CA4: variants seen among roughly 807,000 people sequenced by gnomAD.
CA4 encodes CA-IV.
CA4 carries 24 observed loss-of-function variants against 34.5 expected under a neutral mutation model. The observed-to-expected ratio is 0.70, with a 90% CI of 0.50 to 0.98. The LOEUF (loss-of-function observed/expected upper bound fraction) is 0.98, where lower values mean the gene tolerates loss of function less well. Among genes scored for constraint, CA4 ranks in the 50% least tolerant of loss-of-function variants. The probability of loss-of-function intolerance (pLI) is 0.00; values close to 1 mark genes in which losing one functional copy is unlikely to be tolerated. For synonymous variants in CA4, 178 were observed against 170.6 expected (o/e 1.04, Z -0.34); for missense variants, 394 against 396.7 (o/e 0.99, Z 0.06).
downstream of CA4, chr17:60,159,592 TC>T: frequency 5.3e-6 from 4 of 755,962 alleles, no homozygotes; most frequent in South Asian, 6.6e-5. Context: ...CCCCACCCTG[TC>T]CCCCTCCACC....
chr17:60,152,104 G>A (rs1459828269), intron 1 of CA4, among the ~76,000 whole-genome samples: 1 of 152,082 alleles, frequency 6.6e-6, no homozygotes, highest in East Asian at 1.9e-4. Context: ...TGGGTGACAG[G>A]CGACTGACTT....
At chr17:60,178,907 G>C in the CA4 span, among the ~76,000 whole-genome samples, 1 of 152,146 alleles carries the variant, frequency 6.6e-6, no homozygotes, top group African/African-American at 2.4e-5. Context: ...TTTAATATTT[G>C]TTATGATTAT....
At chr17:60,172,505 G>T (rs990277084), downstream of CA4, among the ~76,000 whole-genome samples, 2 of 152,170 alleles carry the variant, frequency 1.3e-5, no homozygotes, top group Non-Finnish European at 2.9e-5. Context: ...GAAAAAGAGA[G>T]AAATTACAGC....
chr17:60,156,187 G>A (rs1015766444), intron 2 of CA4, among the ~76,000 whole-genome samples: 1 of 152,192 alleles, frequency 6.6e-6, no homozygotes, highest in African/African-American at 2.4e-5. Context: ...TCCCAGGGAA[G>A]CGGATTATCT....
At chr17:60,164,799 C>A (rs1439614643) in intron 5 of CA4, among the ~76,000 whole-genome samples, 1 of 151,962 alleles carries the variant, frequency 6.6e-6, no homozygotes, top group Admixed American at 6.6e-5. Flanking sequence ...GTAGGGCAGG[C>A]AGACACAGCA....
intron 1 of CA4, among the ~76,000 whole-genome samples, chr17:60,150,870 T>C (rs930286490): frequency 3.6e-5 from 5 of 139,874 alleles, no homozygotes; most frequent in African/African-American, 1.3e-4. Context: ...TCCTTGCCCC[T>C]GAGGGTCGCA....
chr17:60,158,533 G>T (rs751064292), intron 7 of CA4, 87 bp downstream of exon 7: 3 of 1,382,440 alleles, frequency 2.2e-6, no homozygotes, highest in Non-Finnish European at 3.0e-6. Flanking sequence ...GGTCCCTCAG[G>T]ATACAGGTGG....
downstream of CA4, among the ~76,000 whole-genome samples, chr17:60,162,546 T>TACACACACACAC (rs770876140): frequency 1.5e-5 from 2 of 132,140 alleles, no homozygotes; most frequent in Admixed American, 7.6e-5. Context: ...CTGCATGGGG[T>TACACACACACAC]ACACACACAC....
the CA4 span, among the ~76,000 whole-genome samples, chr17:60,176,408 A>T: frequency 6.6e-6 from 1 of 151,720 alleles, no homozygotes; most frequent in Non-Finnish European, 1.5e-5. Flanking sequence ...TGTCACCTTC[A>T]TCTCTTCTCA....
downstream of CA4, among the ~76,000 whole-genome samples, chr17:60,173,637 C>T (rs938523148): frequency 6.6e-6 from 1 of 152,206 alleles, no homozygotes; most frequent in Non-Finnish European, 1.5e-5. Context: ...ATCATCTTTC[C>T]CTAATGAGAC....
chr17:60,175,360 G>T (rs2083950320), downstream of CA4, among the ~76,000 whole-genome samples: 1 of 151,684 alleles, frequency 6.6e-6, no homozygotes, highest in African/African-American at 2.4e-5. Flanking sequence ...CTTAAGCCGA[G>T]GAGTTCGAGA....
At chr17:60,158,959 T>A in intron 7 of CA4, 2 of 535,982 alleles carry the variant, frequency 3.7e-6, no homozygotes, top group South Asian at 4.1e-5. Flanking sequence ...GCCACAGTCC[T>A]GTAGTAAGAG....
rs1390634237 is a variant in CA4, at chr17:60,156,591, G to A, written c.144G>A (p.Lys48=). Reference sequence around the variant, plus strand: ...TCAAGTGGGGTGGAAACTGCCAGAAGGACCGCCAGTCCCCCATCAACATCG... The same window carrying A: ...TCAAGTGGGGTGGAAACTGCCAGAAAGACCGCCAGTCCCCCATCAACATCG... ...VPVKWGGNCQ[K]DRQSPINIVT... Residue 48 remains lysine (K), a synonymous_variant, in exon 3 of 8, where the codon AAG becomes AAA. Coordinates refer to ENST00000300900, the MANE Select transcript of CA4 (RefSeq NM_000717.5). 6.2e-7 allele frequency: 1 copy of A among 1,614,216 alleles called. No homozygotes were observed. The highest frequency in any genetic ancestry group is 1.3e-5 in the African/African-American group (1 of 75,068).
intron 5 of CA4, among the ~76,000 whole-genome samples, chr17:60,166,898 A>G (rs1470075553): frequency 6.6e-6 from 1 of 152,210 alleles, no homozygotes; most frequent in Non-Finnish European, 1.5e-5. Context: ...TGGAGGTTGC[A>G]GTGAACTGAG....
rs774889872 is a variant in CA4, at chr17:60,159,350, C to A, written c.865C>A (p.Arg289=). 1.2e-6 allele frequency: 2 copies of A among 1,609,664 alleles called. No homozygotes were observed. The highest frequency in any genetic ancestry group is 1.7e-6 in the Non-Finnish European group (2 of 1,178,354). The part of the protein sequence containing the change: ...RTVIKSGAPG[R]PLPWALPALL... ...GGTGATAAAGTCCGGGGCCCCGGGT[C>A]GGCCGCTGCCCTGGGCCCTGCCTGC... Residue 289 remains arginine (R), a synonymous_variant, in exon 8 of 8, where the codon CGG becomes AGG. Transcript: ENST00000300900.
intron 2 of CA4, 121 bp downstream of exon 2, chr17:60,155,488 G>A: frequency 1.5e-6 from 1 of 664,600 alleles, no homozygotes; most frequent in Non-Finnish European, 2.6e-6. Flanking sequence ...GCAGATATCA[G>A]TTCCCAGCAT....
chr17:60,176,572 C>T, the CA4 span, among the ~76,000 whole-genome samples: 7 of 152,030 alleles, frequency 4.6e-5, no homozygotes, highest in African/African-American at 9.7e-5. Context: ...CAAAAATGAC[C>T]GTAGGACCCA....
chr17:60,177,525 A>G, the CA4 span, among the ~76,000 whole-genome samples: 2 of 152,236 alleles, frequency 1.3e-5, no homozygotes, highest in Non-Finnish European at 2.9e-5. Context: ...ATCAAACAAC[A>G]TTAGTAGATT....
the CA4 span, among the ~76,000 whole-genome samples, chr17:60,176,571 C>T: frequency 6.6e-6 from 1 of 152,116 alleles, no homozygotes; most frequent in African/African-American, 2.4e-5. Context: ...ACAAAAATGA[C>T]CGTAGGACCC....
Sources: gnomAD v4.1 joint callset for allele counts (sites outside exome capture counted in the v4.1 genomes callset) on GRCh38, gnomAD v4.1.1 for gene constraint, MANE v1.5 for transcripts, NCBI Gene and HGNC (gene_info 2026-07-23, HGNC 2026-07-21) for gene names.